Variants in SUZ12 observed in about 807,000 individuals in gnomAD.
SUZ12 encodes the protein polycomb protein SUZ12.
SUZ12 carries 17 observed loss-of-function variants against 87.3 expected under a neutral mutation model. That is an observed-to-expected ratio of 0.19 (90% confidence interval 0.13 to 0.29). SUZ12 has a LOEUF of 0.29. Ranked by LOEUF, SUZ12 falls within the 10% of genes least tolerant of loss-of-function variation. SUZ12 has a pLI of 1.00. For missense variants in SUZ12, 526 were observed against 912.2 expected (o/e 0.58, Z 5.45); for synonymous variants, 253 against 312.4 (o/e 0.81, Z 2.01).
chr17:31,957,895 C>CTTTTTTTT (rs1181314058), intron 4 of SUZ12, among the ~76,000 whole-genome samples: 5 of 91,332 alleles, frequency 5.5e-5, no homozygotes, highest in African/African-American at 8.2e-5. Flanking sequence ...ACCTTTTGTC[C>CTTTTTTTT]TTTTTTTTTT....
intron 14 of SUZ12, 80 bp from the exon 15 acceptor site, chr17:31,996,718 C>G (rs1909997283): frequency 2.0e-6 from 2 of 996,276 alleles, no homozygotes; most frequent in African/African-American, 3.5e-5. Context: ...TTTTTAGTTC[C>G]AAAACATTCT....
intron 10 of SUZ12, 72 bp downstream of exon 10, chr17:31,988,569 CATTT>C: frequency 7.4e-7 from 1 of 1,346,602 alleles, no homozygotes; most frequent in African/African-American, 1.5e-5. Flanking sequence ...TAGATTAATT[CATTT>C]GTGTTTTGCT....
At chr17:31,971,640 G>C (rs1341810614) in intron 5 of SUZ12, among the ~76,000 whole-genome samples, 1 of 151,810 alleles carries the variant, frequency 6.6e-6, no homozygotes, top group Non-Finnish European at 1.5e-5. Context: ...GTGTTGGTCA[G>C]GCTGGTCTCA....
rs577536801 is a variant in SUZ12 at position 31,975,515 on chromosome 17, G to A, written c.625G>A (p.Gly209Ser). The change falls in exon 7 of 16, where the codon GGT becomes AGT. Residue 209 changes from glycine to serine, a missense_variant. Coordinates refer to ENST00000322652, the MANE Select transcript of SUZ12 (RefSeq NM_015355.4). The stretch of plus-strand genomic sequence containing the variant: ...TTGTCCAATAAGGCAAGTTCCCACA[G>A]GTAAAAAGCAGGTGCCTTTGAATCC... ...VSCPIRQVPT[G>S]KKQVPLNPDL... 6.2e-7 allele frequency: 1 copy of A among 1,613,734 alleles called. No individual in the cohort carries two copies. The highest frequency in any genetic ancestry group is 2.2e-5 in the East Asian group (1 of 44,854).
At chr17:31,970,803 CAAAA>C (rs56038616) in intron 5 of SUZ12, among the ~76,000 whole-genome samples, 4 of 138,054 alleles carry the variant, frequency 2.9e-5, no homozygotes, top group Non-Finnish European at 4.7e-5. Flanking sequence ...CTCTCTCTCT[CAAAA>C]AAAAAAAATA....
intron 15 of SUZ12, 97 bp downstream of exon 15, chr17:31,996,974 T>A: frequency 1.2e-6 from 1 of 816,528 alleles, no homozygotes; most frequent in Non-Finnish European, 1.7e-6. Context: ...GAATCTTATT[T>A]AAAATTCCAT....
intron 1 of SUZ12, among the ~76,000 whole-genome samples, chr17:31,937,988 G>T (rs964433773): frequency 9.5e-5 from 14 of 147,686 alleles, no homozygotes; most frequent in African/African-American, 3.0e-4. Context: ...ATGCCTTCGC[G>T]CTAACTTGGT....
At chr17:31,985,452 C>T (rs1349264907) in intron 9 of SUZ12, among the ~76,000 whole-genome samples, 4 of 149,850 alleles carry the variant, frequency 2.7e-5, no homozygotes, top group Non-Finnish European at 4.4e-5. Flanking sequence ...ATATATTTTC[C>T]CTGTTTCTAA....
chr17:31,994,916 C>G (rs1054341519), intron 13 of SUZ12, among the ~76,000 whole-genome samples, 195 bp downstream of exon 13: 1 of 152,116 alleles, frequency 6.6e-6, no homozygotes, highest in African/African-American at 2.4e-5. Flanking sequence ...CTCACTTTTC[C>G]TTTGAACTTT....
In SUZ12 at chr17:31,991,234, G is replaced by C. The variant is rs557425231; in HGVS notation, c.1202-2008G>C. Among the ~76,000 whole-genome samples, 8 of 152,154 alleles carry C rather than the reference G, an allele frequency of 5.3e-5. No homozygotes were observed. The South Asian group carries it at 1.7e-3, about 31-fold the overall frequency. On this transcript the variant is annotated intron_variant, in intron 10 of 15. Coordinates refer to ENST00000322652, the MANE Select transcript of SUZ12 (RefSeq NM_015355.4). ...TTAAAGAGATATAAGAAATGGGGCC[G>C]GGCGCAGTGGCTGACATCTGTAATT...
At position 31,972,105 on chromosome 17, in the gene SUZ12, G is replaced by A. The variant is rs774803482; in HGVS notation, c.506-1041G>A. On this transcript the variant is annotated intron_variant, in intron 5 of 15. Transcript: ENST00000322652. ...TCAAGACCAGCCTAGCCAACATGGTGAAACCCCATCTCTACTTAAAATTAA... is the reference window on the plus strand; with the variant it reads ...TCAAGACCAGCCTAGCCAACATGGTAAAACCCCATCTCTACTTAAAATTAA... Among the ~76,000 whole-genome samples, 6 of 151,778 alleles carry A rather than the reference G, an allele frequency of 4.0e-5. No individual in the cohort carries two copies. The South Asian group carries it at 6.2e-4, about 16-fold the overall frequency.
At chr17:31,985,954 C>A (rs1343660983) in intron 9 of SUZ12, among the ~76,000 whole-genome samples, 6 of 149,486 alleles carry the variant, frequency 4.0e-5, no homozygotes, top group African/African-American at 1.5e-4. Context: ...AGCGACCGTG[C>A]CCGGCCTGGC....
Position 31,975,633 on chromosome 17 carries a change from A to C in SUZ12, c.743A>C (p.Tyr248Ser), listed in dbSNP as rs1223051269. The change falls in exon 7 of 16, where the codon TAC (tyrosine) becomes TCC (serine). Residue 248 changes from tyrosine (Y) to serine (S), a missense_variant. Transcript: ENST00000322652. The stretch of plus-strand genomic sequence containing the variant: ...AGTAACAGCCATATGGTGAAGTCTT[A>C]CTCGTTGCTATTTAGAGTGACTCGT... ...EPSNSHMVKSYSLLFRVTRPG... is the reference protein window; with the variant it reads ...EPSNSHMVKSSSLLFRVTRPG... 6.2e-7 allele frequency: 1 copy of C among 1,613,784 alleles called. No individual in the cohort carries two copies. The highest frequency in any genetic ancestry group is 8.5e-7 in the Non-Finnish European group (1 of 1,179,966).
At chr17:31,982,876 G>T in intron 8 of SUZ12, 123 bp from the exon 9 acceptor site, 2 of 1,326,624 alleles carry the variant, frequency 1.5e-6, no homozygotes, top group Non-Finnish European at 2.0e-6. Flanking sequence ...TTAAAATCTT[G>T]TTGGGTATGT....
At chr17:31,982,310 T>C (rs1909157349) in intron 8 of SUZ12, among the ~76,000 whole-genome samples, 1 of 149,948 alleles carries the variant, frequency 6.7e-6, no homozygotes, top group Non-Finnish European at 1.5e-5. Flanking sequence ...GGTAACAGAA[T>C]TCTTAGTGTT....
chr17:31,966,075 A>G, intron 4 of SUZ12, 72 bp from the exon 5 acceptor site: 1 of 1,335,850 alleles, frequency 7.5e-7, no homozygotes, highest in Non-Finnish European at 1.0e-6. Flanking sequence ...TTTCAATGTT[A>G]TATTTTAAAG....
chr17:31,982,316 G>A (rs1345134658), intron 8 of SUZ12, among the ~76,000 whole-genome samples: 1 of 148,324 alleles, frequency 6.7e-6, no homozygotes, highest in East Asian at 1.9e-4. Context: ...AGAATTCTTA[G>A]TGTTTCCCTA....
chr17:31,978,542 C>T (rs1330666683), intron 8 of SUZ12, among the ~76,000 whole-genome samples: 2 of 151,766 alleles, frequency 1.3e-5, no homozygotes, highest in South Asian at 2.1e-4. Context: ...TATTGTGGAT[C>T]GAAGATTTAA....
At chr17:31,981,657 C>A (rs1262050319) in intron 8 of SUZ12, among the ~76,000 whole-genome samples, 2 of 150,558 alleles carry the variant, frequency 1.3e-5, no homozygotes, top group South Asian at 4.2e-4. Flanking sequence ...TTGAAGTTGA[C>A]TAAATTTAAG....
Sources: allele counts gnomAD v4.1 joint callset (sites outside exome capture counted in the v4.1 genomes callset), GRCh38; gene constraint gnomAD v4.1.1; transcripts MANE v1.5; gene names NCBI Gene and HGNC (gene_info 2026-07-23, HGNC 2026-07-21).